Variants in COL6A3 observed in about 807,000 individuals in gnomAD.
COL6A3 encodes the protein collagen type VI alpha 3 chain.
Under a neutral mutation model 274.1 loss-of-function variants are expected in COL6A3, and 137 were observed. The ratio of observed to expected loss-of-function variants is 0.50; its 90% CI spans 0.44 to 0.58. The LOEUF is 0.58. Among genes scored for constraint, COL6A3 ranks in the 20% least tolerant of loss-of-function variants. The pLI is 0.00. For synonymous variants in COL6A3, 1,650 were observed against 1,650.6 expected (o/e 1.00, Z 0.01); for missense variants, 3,950 against 4,124.9 (o/e 0.96, Z 1.16).
At chr2:237,332,422 G>C (rs757640634) in intron 42 of COL6A3, among the ~76,000 whole-genome samples, 1 of 152,058 alleles carries the variant, frequency 6.6e-6, no homozygotes, top group East Asian at 1.9e-4. Flanking sequence ...TTTGAAGTTA[G>C]AGTTGAATCT....
chr2:237,396,855 A>G lies in COL6A3; in HGVS notation c.-30-8T>C. 1 of 1,586,706 alleles carries G rather than the reference A, an allele frequency of 6.3e-7. No individual in the cohort carries two copies. ...TAAGCACCAAATATGAACCTAAAAGAGAAAACAGGGCAAAGGGAATGATCA... is the reference window on the plus strand; with the variant it reads ...TAAGCACCAAATATGAACCTAAAAGGGAAAACAGGGCAAAGGGAATGATCA... On this transcript the variant is annotated splice_region_variant and splice_polypyrimidine_tract_variant and intron_variant, in intron 1 of 43. Transcript: ENST00000295550.
At chr2:237,343,929 T>A (rs547965584) in intron 36 of COL6A3, 48 of 300,124 alleles carry the variant, frequency 1.6e-4, no homozygotes, top group Admixed American at 9.4e-4. Context: ...ACCAGCCAGT[T>A]ATGGGAAGCA....
intron 36 of COL6A3, 105 bp from the exon 37 acceptor site, chr2:237,342,266 C>T (rs879912909): frequency 2.3e-6 from 2 of 878,736 alleles, no homozygotes; most frequent in Non-Finnish European, 3.7e-6. Flanking sequence ...AATAGATTAA[C>T]TTCCCAATAG....
Position 237,398,598 on chromosome 2 carries a change from G to A in COL6A3, c.-30-1751C>T, listed in dbSNP as rs369232844. On this transcript the variant is annotated intron_variant, in intron 1 of 43. Coordinates refer to ENST00000295550, the MANE Select transcript of COL6A3 (RefSeq NM_004369.4). ...TCTGGTTTCCTTTAACTTTTTCTTA[G>A]ACCACAGACGGGGCTGCCCACAGGA... Among the ~76,000 whole-genome samples the A allele has an allele frequency of 9.2e-5, 14 of 152,230 alleles. No homozygotes were observed. The South Asian group carries it at 2.7e-3, about 29-fold the overall frequency.
chr2:237,336,234 C>A lies in COL6A3; in HGVS notation c.8866G>T (p.Ala2956Ser). Residue 2956 changes from alanine (A) to serine (S), a missense_variant, in exon 40 of 44, where the codon GCT (alanine) becomes TCT (serine). By Grantham distance (99) the Ala-to-Ser change is moderately conservative. This residue lies in a region of COL6A3 where 1,284 missense variants were observed against 1,349.7 expected (regional missense o/e 0.95). Transcript: ENST00000295550. ...GCCACTGGTTTTGCAGCAGCAGCAG[C>A]GGGGGGTCTTACAGCTGCTGGCTTT... Reference protein sequence around the residue: ...AAKPAAVRPPAAAAAKPVATK... With the variant: ...AAKPAAVRPPSAAAAKPVATK... The A allele has an allele frequency of 6.2e-7, 1 of 1,613,240 alleles. No individual in the cohort carries two copies. The highest frequency in any genetic ancestry group is 2.2e-5 in the East Asian group (1 of 44,882).
intron 2 of COL6A3, 86 bp from the exon 3 acceptor site, chr2:237,395,290 T>G (rs2078409372): frequency 7.1e-7 from 1 of 1,415,302 alleles, no homozygotes; most frequent in Non-Finnish European, 9.8e-7. Context: ...ACAAATTTGG[T>G]TTACACTATA....
intron 42 of COL6A3, chr2:237,328,644 AT>A (rs1048095127): frequency 3.3e-5 from 5 of 152,260 alleles, no homozygotes; most frequent in African/African-American, 1.2e-4. Context: ...TCAGCAAAAA[AT>A]ATATGTATTC....
At chr2:237,381,943 G>T (rs928940630) in intron 4 of COL6A3, among the ~76,000 whole-genome samples, 5 of 152,208 alleles carry the variant, frequency 3.3e-5, no homozygotes, top group Non-Finnish European at 7.3e-5. Context: ...AAGTGCAAAA[G>T]CTGAAAGAGC....
chr2:237,339,220 G>A (rs2076933878), intron 38 of COL6A3, 103 bp from the exon 39 acceptor site: 2 of 844,890 alleles, frequency 2.4e-6, no homozygotes, highest in Admixed American at 4.1e-5. Context: ...CATTTATTTA[G>A]CCCATAATTA....
intron 21 of COL6A3, among the ~76,000 whole-genome samples, 166 bp downstream of exon 21, chr2:237,358,355 C>G (rs2077363047): frequency 6.6e-6 from 1 of 152,152 alleles, no homozygotes; most frequent in South Asian, 2.1e-4. Context: ...GCAAGAGAAC[C>G]AACACATCTC....
Position 237,361,630 on chromosome 2 carries a change from G to A in COL6A3, c.6156+109C>T, listed in dbSNP as rs572319825. 1.1e-4 allele frequency: 115 copies of A among 1,035,758 alleles called. No individual in the cohort carries two copies. In the African/African-American group the frequency reaches 1.1e-3, roughly 10 times the overall value. The allele number at this position is 1,035,758 out of a possible 1,614,324, so 64.2% of individuals were successfully genotyped here. The stretch of plus-strand genomic sequence containing the variant: ...CTTCTAACATAAGAAATGGTCTCTC[G>A]TCTCCTCCTTCATCTCCACACTCTT... On this transcript the variant is annotated intron_variant, in intron 15 of 43. Coordinates refer to ENST00000295550, the MANE Select transcript of COL6A3 (RefSeq NM_004369.4). The surrounding 1 kb of genome is among the most constrained non-coding windows in gnomAD (Gnocchi z 5.1).
intron 3 of COL6A3, among the ~76,000 whole-genome samples, chr2:237,390,397 C>T (rs139133901): frequency 5.3e-5 from 8 of 152,286 alleles, no homozygotes; most frequent in African/African-American, 1.7e-4. Context: ...AATAATGGGA[C>T]ATACAAGGGC....
rs1166515536 is a variant in COL6A3 at position 237,368,183 on chromosome 2, G to C, written c.4900+380C>G. The stretch of plus-strand genomic sequence containing the variant: ...TCCCTGATGGTCCCACCAGGCCAAG[G>C]AATGAGGGGACCTGGACTATATTGG... On this transcript the variant is annotated intron_variant, in intron 10 of 43. Coordinates refer to ENST00000295550, the MANE Select transcript of COL6A3 (RefSeq NM_004369.4). The surrounding 1 kb of genome is among the most constrained non-coding windows in gnomAD (Gnocchi z 4.4). Among the ~76,000 whole-genome samples, 1 of 152,224 alleles carries C rather than the reference G, an allele frequency of 6.6e-6. No individual in the cohort carries two copies. Among genetic ancestry groups the C allele is most frequent in the East Asian group, 1.9e-4 (1 of 5,192 alleles).
At chr2:237,411,233 T>C (rs1488123760) in intron 1 of COL6A3, among the ~76,000 whole-genome samples, 1 of 152,176 alleles carries the variant, frequency 6.6e-6, no homozygotes, top group African/African-American at 2.4e-5. Flanking sequence ...AAAAGAGCAG[T>C]GACAAAACTG....
At chr2:237,411,049 T>C (rs1025434174) in intron 1 of COL6A3, among the ~76,000 whole-genome samples, 2 of 152,184 alleles carry the variant, frequency 1.3e-5, no homozygotes, top group Non-Finnish European at 2.9e-5. Flanking sequence ...AATCGTCAGC[T>C]ATTTATGTAG....
chr2:237,340,894 G>T lies in COL6A3; in HGVS notation c.8022C>A (p.Ser2674=). 1 of 1,613,412 alleles carries T rather than the reference G, an allele frequency of 6.2e-7. No individual in the cohort carries two copies. Residue 2674 remains serine (S), a synonymous_variant, in exon 38 of 44, where the codon TCC becomes TCA. Transcript: ENST00000295550. ...CAGGTGGCATGCTGGCATTGTCCAC[G>T]GACTCAGAGGGCGCGTGCTGCACAA... ...VAVVQHAPSE[S]VDNASMPPVK...
chr2:237,354,799 G>A lies in COL6A3; in HGVS notation c.6627+100C>T, dbSNP rs976091103. ...TCTAAATTGATTGGTATCTGTCTCC[G>A]AAGCTTTGGGTTCACAGGAGAGAGT... is the stretch of plus-strand genomic sequence containing the variant. On this transcript the variant is annotated intron_variant, in intron 24 of 43. Transcript: ENST00000295550. 21 of 1,002,620 alleles carry A rather than the reference G, an allele frequency of 2.1e-5. No homozygotes were observed. The Admixed American group carries it at 2.8e-4, about 13-fold the overall frequency. The allele number at this position is 1,002,620 out of a possible 1,614,324, so 62.1% of individuals were successfully genotyped here. A position where few individuals can be genotyped will look rare whatever the true frequency, so the allele number is the denominator to read the frequency against.
Position 237,340,626 on chromosome 2 carries a change from A to G in COL6A3, c.8290T>C (p.Cys2764Arg), listed in dbSNP as rs779036168. 6.2e-7 allele frequency: 1 copy of G among 1,614,158 alleles called. No homozygotes were observed. The change falls in exon 38 of 44, where the codon TGC (cysteine) becomes CGC (arginine). Residue 2764 changes from cysteine (C) to arginine (R), a missense_variant. Around this residue, in one of 5 missense-constraint regions of COL6A3, gnomAD observed 1,284 missense variants for 1,349.7 expected, o/e 0.95. Transcript: ENST00000295550. ...EAQRVILQAK[C>R]KGYFFVVLGI... ...AGGACCACGAAGAAGTAGCCCTTGCATTTGGCCTGCAGGATGACTCTCTGG... is the reference window on the plus strand; with the variant it reads ...AGGACCACGAAGAAGTAGCCCTTGCGTTTGGCCTGCAGGATGACTCTCTGG...
At chr2:237,373,280 G>A (rs983361136) in intron 8 of COL6A3, among the ~76,000 whole-genome samples, 5 of 152,196 alleles carry the variant, frequency 3.3e-5, no homozygotes, top group African/African-American at 1.2e-4. Context: ...CCAAGACACA[G>A]CATCACAGAG....
Sources: allele counts gnomAD v4.1 joint callset (sites outside exome capture counted in the v4.1 genomes callset), GRCh38; gene constraint gnomAD v4.1.1; regional missense constraint gnomAD v4.1.1; non-coding constraint Gnocchi (gnomAD v3.1); transcripts MANE v1.5; gene names NCBI Gene and HGNC (gene_info 2026-07-23, HGNC 2026-07-21).